The following MYOCD variants were observed in gnomAD, a reference collection of about 807,000 sequenced individuals.
MYOCD encodes the protein myocardin.
In MYOCD, 32 loss-of-function variants were observed where a neutral mutation model predicts 96.1. The observed-to-expected ratio is 0.33, with a 90% CI of 0.25 to 0.45. The LOEUF is 0.45. Among genes scored for constraint, MYOCD ranks in the 20% least tolerant of loss-of-function variants. The pLI is 1.00. For synonymous variants in MYOCD, 469 were observed against 469.0 expected (o/e 1.00, Z 0.00); for missense variants, 1,133 against 1,200.6 (o/e 0.94, Z 0.83).
At chr17:12,759,478 A>G (rs898914726) in intron 12 of MYOCD, among the ~76,000 whole-genome samples, 1 of 151,986 alleles carries the variant, frequency 6.6e-6, no homozygotes, top group African/African-American at 2.4e-5. Context: ...CTGATAAATG[A>G]CTCATTTTTT....
At chr17:12,718,788 G>T (rs1759522231) in intron 4 of MYOCD, among the ~76,000 whole-genome samples, 1 of 152,172 alleles carries the variant, frequency 6.6e-6, no homozygotes, top group Non-Finnish European at 1.5e-5. Flanking sequence ...TACCTCCTTT[G>T]CAATGGTGTC....
At chr17:12,729,452 G>C (rs1387347263) in intron 5 of MYOCD, among the ~76,000 whole-genome samples, 5 of 152,132 alleles carry the variant, frequency 3.3e-5, no homozygotes, top group Admixed American at 6.5e-5. Flanking sequence ...ATCATTGAGA[G>C]GTGGGCAGGG....
At chr17:12,733,298 A>C (rs2032233495) in intron 5 of MYOCD, among the ~76,000 whole-genome samples, 1 of 132,800 alleles carries the variant, frequency 7.5e-6, no homozygotes, top group Admixed American at 8.1e-5. Context: ...CAACAGAGCA[A>C]GACTCCATCT....
chr17:12,707,028 G>A (rs1177143622), intron 2 of MYOCD, among the ~76,000 whole-genome samples: 1 of 152,114 alleles, frequency 6.6e-6, no homozygotes, highest in Admixed American at 6.5e-5. Context: ...TCCAAGTCAC[G>A]GCTGGTGCAC....
intron 10 of MYOCD, among the ~76,000 whole-genome samples, chr17:12,754,489 T>C (rs2150722070): frequency 6.6e-6 from 1 of 152,220 alleles, no homozygotes; most frequent in Non-Finnish European, 1.5e-5. Flanking sequence ...ATATTTGGGG[T>C]GAAGGCATTG....
At chr17:12,709,416 G>C (rs753134033) in intron 2 of MYOCD, among the ~76,000 whole-genome samples, 1 of 152,094 alleles carries the variant, frequency 6.6e-6, no homozygotes, top group Non-Finnish European at 1.5e-5. Flanking sequence ...GAATTTAAAG[G>C]CACCATCTCT....
chr17:12,707,872 G>A (rs1456604406), intron 2 of MYOCD, among the ~76,000 whole-genome samples: 1 of 152,112 alleles, frequency 6.6e-6, no homozygotes, highest in Non-Finnish European at 1.5e-5. Flanking sequence ...AGGAAAAGAG[G>A]AAGAAAAGTT....
chr17:12,683,406 C>T (rs2029912872), intron 1 of MYOCD, among the ~76,000 whole-genome samples: 1 of 152,142 alleles, frequency 6.6e-6, no homozygotes, highest in Admixed American at 6.5e-5. Flanking sequence ...CTGTCACCAA[C>T]AACTTTACTG....
Position 12,766,201 on chromosome 17 carries a change from T to G in MYOCD, c.*2557T>G, listed in dbSNP as rs2033335857. The G allele has an allele frequency of 6.6e-6, 1 of 152,188 alleles. No homozygotes were observed. Among genetic ancestry groups the G allele is most frequent in the Non-Finnish European group, 1.5e-5 (1 of 68,030 alleles). The allele number at this position is 152,188 out of a possible 1,614,324, so 9.4% of individuals were successfully genotyped here. On this transcript the variant is annotated 3_prime_UTR_variant, in exon 14 of 14. Transcript: ENST00000425538. ...TCCTTTGGAAAACAAACTCACACAG[T>G]GCCCCTACTCTGAGACCTGGGACTG...
chr17:12,692,911 G>A (rs2030527694), intron 1 of MYOCD, among the ~76,000 whole-genome samples: 1 of 152,050 alleles, frequency 6.6e-6, no homozygotes, highest in South Asian at 2.1e-4. Flanking sequence ...CAGGATTATT[G>A]GGAAGGCATT....
At chr17:12,762,982 C>T in intron 13 of MYOCD, 91 bp from the exon 14 acceptor site, 1 of 1,095,742 alleles carries the variant, frequency 9.1e-7, no homozygotes, top group Non-Finnish European at 1.3e-6. Flanking sequence ...GGAAGCGTGG[C>T]CATCTTCTGT....
At chr17:12,695,737 C>G (rs1006079574) in intron 1 of MYOCD, among the ~76,000 whole-genome samples, 8 of 151,954 alleles carry the variant, frequency 5.3e-5, no homozygotes, top group African/African-American at 1.7e-4. Flanking sequence ...CCCTATTAAC[C>G]ATTTTAACTG....
chr17:12,678,634 C>CT (rs1910248975), intron 1 of MYOCD, among the ~76,000 whole-genome samples: 2 of 152,040 alleles, frequency 1.3e-5, no homozygotes, highest in Admixed American at 6.5e-5. Flanking sequence ...ATTCAACTCT[C>CT]TCCCCCACCA....
At chr17:12,695,460 G>A (rs2030699964) in intron 1 of MYOCD, among the ~76,000 whole-genome samples, 1 of 152,136 alleles carries the variant, frequency 6.6e-6, no homozygotes, top group Non-Finnish European at 1.5e-5. Flanking sequence ...TAAGACCAGA[G>A]CAGATAAATA....
rs770965947 is a variant in MYOCD, at chr17:12,745,963, C to T, written c.1016C>T (p.Thr339Met). The T allele has an allele frequency of 1.4e-5, 22 of 1,614,036 alleles. No individual in the cohort carries two copies. Among genetic ancestry groups the T allele is most frequent in the East Asian group, 6.7e-5 (3 of 44,900 alleles). The change falls in exon 9 of 14, where the codon ACG becomes ATG. Residue 339 changes from threonine to methionine, a missense_variant. Transcript: ENST00000425538. ...GTCAGAAATCCAAACTCTTCTTCAA[C>T]GCCACTGAGCAATACCCCCTTGTCT... ...QMVRNPNSSSTPLSNTPLSPV... is the reference protein window; with the variant it reads ...QMVRNPNSSSMPLSNTPLSPV...
At chr17:12,755,232 G>T (rs1313005221) in intron 10 of MYOCD, among the ~76,000 whole-genome samples, 1 of 152,184 alleles carries the variant, frequency 6.6e-6, no homozygotes, top group Non-Finnish European at 1.5e-5. Context: ...AAAAATTTCA[G>T]TACTGATGAT....
intron 5 of MYOCD, among the ~76,000 whole-genome samples, chr17:12,727,481 G>A (rs1267723450): frequency 2.0e-5 from 3 of 152,146 alleles, no homozygotes; most frequent in Non-Finnish European, 2.9e-5. Context: ...CACTTCTTGT[G>A]ATCATATCTT....
At position 12,704,544 on chromosome 17, in the gene MYOCD, A is replaced by C. The variant is rs549170515; in HGVS notation, c.56-584A>C. On this transcript the variant is annotated intron_variant, in intron 1 of 13. Coordinates refer to ENST00000425538, the MANE Select transcript of MYOCD (RefSeq NM_001146312.3). ...AGTCCTTCTTTGAATTCCCAGGAGA[A>C]TTCCAGATTCTCATAATACTACCAC... Among the ~76,000 whole-genome samples the C allele has an allele frequency of 1.1e-4, 16 of 152,328 alleles. No homozygotes were observed. In the South Asian group the frequency reaches 3.3e-3, roughly 32 times the overall value.
intron 2 of MYOCD, among the ~76,000 whole-genome samples, chr17:12,707,987 A>G (rs2031355150): frequency 6.6e-6 from 1 of 152,152 alleles, no homozygotes; most frequent in Non-Finnish European, 1.5e-5. Context: ...ATATACATAT[A>G]TATGCACTGG....
Sources: gnomAD v4.1 joint callset for allele counts (sites outside exome capture counted in the v4.1 genomes callset) on GRCh38, gnomAD v4.1.1 for gene constraint, MANE v1.5 for transcripts, NCBI Gene and HGNC (gene_info 2026-07-23, HGNC 2026-07-21) for gene names.